Variants in RUFY1 observed in about 807,000 individuals in gnomAD.
RUFY1 encodes the protein RUN and FYVE domain containing 1, also known as RUN and FYVE domain-containing protein 1.
In RUFY1, 54 loss-of-function variants were observed where a neutral mutation model predicts 94.6. The observed-to-expected ratio is 0.57, with a 90% CI of 0.46 to 0.72. The LOEUF (loss-of-function observed/expected upper bound fraction) is 0.72, where lower values mean the gene tolerates loss of function less well. RUFY1 is among the 30% of genes least tolerant of loss of function. The probability of loss-of-function intolerance (pLI) is 0.00; values close to 1 mark genes in which losing one functional copy is unlikely to be tolerated. For synonymous variants in RUFY1, 396 were observed against 347.3 expected (o/e 1.14, Z -1.56); for missense variants, 883 against 883.9 (o/e 1.00, Z 0.01).
At chr5:179,582,084 T>G (rs1040029159) in intron 7 of RUFY1, among the ~76,000 whole-genome samples, 1 of 152,174 alleles carries the variant, frequency 6.6e-6, no homozygotes, top group Non-Finnish European at 1.5e-5. Context: ...ATATTAAATT[T>G]TAGAAAATAC....
intron 12 of RUFY1, 89 bp downstream of exon 12, chr5:179,595,052 C>T: frequency 2.1e-6 from 2 of 974,038 alleles, no homozygotes; most frequent in Non-Finnish European, 3.2e-6. Flanking sequence ...CTCCAAAGTG[C>T]AGGGGAGAGG....
intron 12 of RUFY1, chr5:179,596,318 C>T (rs78808977): frequency 1.7e-5 from 10 of 586,524 alleles, no homozygotes; most frequent in African/African-American, 7.5e-5. Flanking sequence ...ATTACATTCT[C>T]AAAAAGCCAA....
At chr5:179,597,994 G>T (rs1765853387) in intron 13 of RUFY1, among the ~76,000 whole-genome samples, 1 of 152,258 alleles carries the variant, frequency 6.6e-6, no homozygotes, top group East Asian at 1.9e-4. Context: ...TTCAAGACCA[G>T]CCTGGCCAAC....
rs1296905565 is a variant in RUFY1, at chr5:179,593,655, G to A, written c.1413+10G>A. On this transcript the variant is annotated intron_variant, in intron 11 of 17. Transcript: ENST00000319449. ...GTTTCACAAAGCTCAGGTGGGAGTTGGCTTTGTGTCCATGGCACAGCCTGG... is the reference window on the plus strand; with the variant it reads ...GTTTCACAAAGCTCAGGTGGGAGTTAGCTTTGTGTCCATGGCACAGCCTGG... 4 of 1,612,104 alleles carry A rather than the reference G, an allele frequency of 2.5e-6. No homozygotes were observed. Among genetic ancestry groups the A allele is most frequent in the Non-Finnish European group, 3.4e-6 (4 of 1,178,632 alleles).
intron 7 of RUFY1, among the ~76,000 whole-genome samples, chr5:179,581,927 C>T (rs1008500396): frequency 6.6e-6 from 1 of 151,922 alleles, no homozygotes; most frequent in Non-Finnish European, 1.5e-5. Context: ...TCAAGCAATC[C>T]TCCCACCTTA....
intron 14 of RUFY1, among the ~76,000 whole-genome samples, chr5:179,600,538 A>G (rs1046308102): frequency 6.6e-6 from 1 of 152,228 alleles, no homozygotes; most frequent in African/African-American, 2.4e-5. Flanking sequence ...ACCACCTTTC[A>G]AACTAGTCTT....
rs979030068 is a variant in RUFY1, at chr5:179,562,543, T to A, written c.485-4T>A. 1 of 1,563,020 alleles carries A rather than the reference T, an allele frequency of 6.4e-7. No homozygotes were observed. The highest frequency in any genetic ancestry group is 1.4e-5 in the African/African-American group (1 of 73,724). ...ATGAATAACACTTTTGTTTTTCCTT[T>A]TAGTTAAGAAGAGTTTTATTGGCCA... On this transcript the variant is annotated splice_region_variant and splice_polypyrimidine_tract_variant and intron_variant, in intron 2 of 17. Transcript: ENST00000319449.
chr5:179,607,459 G>A, intron 16 of RUFY1, 123 bp from the exon 17 acceptor site: 4 of 788,536 alleles, frequency 5.1e-6, no homozygotes, highest in South Asian at 1.5e-5. Context: ...CCATCTGATG[G>A]AGAAACAGTG....
chr5:179,582,107 G>A (rs547622743), intron 7 of RUFY1, among the ~76,000 whole-genome samples: 13 of 152,116 alleles, frequency 8.5e-5, no homozygotes, highest in African/African-American at 2.2e-4. Flanking sequence ...TTTAGTGTCC[G>A]TTAATGTAAT....
intron 1 of RUFY1, among the ~76,000 whole-genome samples, chr5:179,551,460 G>T (rs1761847993): frequency 6.6e-6 from 1 of 152,194 alleles, no homozygotes; most frequent in African/African-American, 2.4e-5. Flanking sequence ...ACAACAGCAC[G>T]CATATGTTTT....
chr5:179,582,049 T>C (rs1218389853), intron 7 of RUFY1, among the ~76,000 whole-genome samples: 5 of 152,118 alleles, frequency 3.3e-5, no homozygotes, highest in African/African-American at 1.2e-4. Flanking sequence ...ATTACTAGTT[T>C]ATTGAGAGTA....
At chr5:179,564,896 A>T (rs1762716522) in intron 3 of RUFY1, among the ~76,000 whole-genome samples, 1 of 152,178 alleles carries the variant, frequency 6.6e-6, no homozygotes, top group Non-Finnish European at 1.5e-5. Context: ...AAAAAAAGTA[A>T]AGTCCTCTGT....
chr5:179,606,004 C>A, intron 16 of RUFY1, 80 bp downstream of exon 16: 2 of 951,914 alleles, frequency 2.1e-6, no homozygotes, highest in Non-Finnish European at 1.7e-6. Context: ...AGTATCCCAA[C>A]AGTCAGGTGA....
At chr5:179,579,315 A>G (rs1201651394) in intron 6 of RUFY1, among the ~76,000 whole-genome samples, 2 of 152,300 alleles carry the variant, frequency 1.3e-5, no homozygotes, top group East Asian at 3.9e-4. Context: ...TCAGAGGAAC[A>G]AAATATATTC....
At chr5:179,567,009 G>C (rs951464525) in intron 3 of RUFY1, among the ~76,000 whole-genome samples, 1 of 151,964 alleles carries the variant, frequency 6.6e-6, no homozygotes, top group Non-Finnish European at 1.5e-5. Flanking sequence ...AGCTGAGATT[G>C]CACCACTGCA....
chr5:179,608,653 C>T, intron 17 of RUFY1: 2 of 985,024 alleles, frequency 2.0e-6, no homozygotes, highest in Non-Finnish European at 2.4e-6. Flanking sequence ...TTAGGCCGGG[C>T]ACGGTGGCTC....
rs1765273528 is a variant in RUFY1 at position 179,593,467 on chromosome 5, A to G, written c.1246-11A>G. On this transcript the variant is annotated splice_polypyrimidine_tract_variant and intron_variant, in intron 10 of 17. Transcript: ENST00000319449. ...TTTTAATAACATTTTCCTTGTAAAT[A>G]TCCTTTTAAGGAACTGGAAAAAGAA... 1 of 1,583,796 alleles carries G rather than the reference A, an allele frequency of 6.3e-7. No homozygotes were observed. The highest frequency in any genetic ancestry group is 8.7e-7 in the Non-Finnish European group (1 of 1,152,504).
chr5:179,585,620 T>C (rs561285047), intron 7 of RUFY1, among the ~76,000 whole-genome samples, 176 bp from the exon 8 acceptor site: 1 of 152,234 alleles, frequency 6.6e-6, no homozygotes, highest in South Asian at 2.1e-4. Flanking sequence ...ACAAAACTTA[T>C]TGAAAAGTAT....
chr5:179,605,945 ACTT>A (rs1562119429), intron 16 of RUFY1, 21 bp downstream of exon 16: 7 of 1,555,026 alleles, frequency 4.5e-6, no homozygotes, highest in South Asian at 1.1e-5. Flanking sequence ...GCTAAGAACC[ACTT>A]CTTTGCTGTC....
Sources: allele counts gnomAD v4.1 joint callset (sites outside exome capture counted in the v4.1 genomes callset), GRCh38; gene constraint gnomAD v4.1.1; transcripts MANE v1.5; gene names NCBI Gene and HGNC (gene_info 2026-07-23, HGNC 2026-07-21).